The following FAM162B variants were observed in gnomAD, a reference collection of about 807,000 sequenced individuals.
FAM162B encodes the protein family with sequence similarity 162 member B.
FAM162B carries 16 observed loss-of-function variants against 20.0 expected under a neutral mutation model. The observed-to-expected ratio is 0.80, with a 90% CI of 0.54 to 1.21. The LOEUF (loss-of-function observed/expected upper bound fraction) is 1.21. Ranked by LOEUF, FAM162B falls within the 50% of genes most tolerant of loss-of-function variation. The pLI is 0.00. For missense variants in FAM162B, 260 were observed against 227.5 expected (o/e 1.14, Z -0.92); for synonymous variants, 83 against 89.7 (o/e 0.93, Z 0.42).
Position 116,752,670 on chromosome 6 carries a change from G to A in FAM162B, c.416C>T (p.Thr139Ile). The A allele has an allele frequency of 1.9e-6, 3 of 1,581,222 alleles. No individual in the cohort carries two copies. The highest frequency in any genetic ancestry group is 2.6e-6 in the Non-Finnish European group (3 of 1,162,284). Reference protein sequence around the residue: ...KRAVERHESLTSWNLAKKAKW... With the variant: ...KRAVERHESLISWNLAKKAKW... ...AGCTTTCTTTGCCAAGTTCCAACTTGTTAAGGATTCATGTCGTTCTACAGC... is the reference window on the plus strand; with the variant it reads ...AGCTTTCTTTGCCAAGTTCCAACTTATTAAGGATTCATGTCGTTCTACAGC... The change falls in exon 4 of 4, where the codon ACA becomes ATA. Residue 139 changes from threonine to isoleucine, a missense_variant. Transcript: ENST00000368557.
In FAM162B at chr6:116,765,141, A is replaced by C. The variant is rs955624434; in HGVS notation, c.281+6T>G. ...CTCTCCTTCGCGCGGCGGTCGCCAC[A>C]CTTACGGGATCCGAGGCGGGATCTC... On this transcript the variant is annotated splice_donor_region_variant and intron_variant, in intron 2 of 3. Transcript: ENST00000368557. 12 of 1,612,648 alleles carry C rather than the reference A, an allele frequency of 7.4e-6. No individual in the cohort carries two copies. The highest frequency in any genetic ancestry group is 1.0e-5 in the Non-Finnish European group (12 of 1,179,796).
chr6:116,759,289 ATCTT>A (rs1471289657), intron 3 of FAM162B, among the ~76,000 whole-genome samples: 262 of 146,896 alleles, frequency 1.8e-3, no homozygotes, highest in African/African-American at 6.3e-3. Context: ...CTTATTTCTA[ATCTT>A]TCTTTCTTTT....
Position 116,765,460 on chromosome 6 carries a change from A to AC in FAM162B, c.116dup (p.Leu40SerfsTer97). The AC allele has an allele frequency of 7.0e-7, 1 of 1,421,878 alleles. No homozygotes were observed. The allele number at this position is 1,421,878 out of a possible 1,614,324, so 88.1% of individuals were successfully genotyped here. A position where few individuals can be genotyped will look rare whatever the true frequency, so the allele number is the denominator to read the frequency against. Reference sequence around the variant, plus strand: ...CCCCGCCGCTGGAGTAGCAGGGGAGACCCCGGGGCGGAAGAGCCGGTGCGG... The same window carrying AC: ...CCCCGCCGCTGGAGTAGCAGGGGAGACCCCCGGGGCGGAAGAGCCGGTGCGG... On this transcript the variant is annotated frameshift_variant, in exon 1 of 4. Transcript: ENST00000368557. LOFTEE classifies it high-confidence loss of function.
intron 3 of FAM162B, among the ~76,000 whole-genome samples, chr6:116,758,615 A>G (rs1307399840): frequency 6.6e-6 from 1 of 152,144 alleles, no homozygotes. Flanking sequence ...ATAGCTTCTC[A>G]GTTTTGTTCT....
At chr6:116,760,003 T>C (rs972424631) in intron 3 of FAM162B, among the ~76,000 whole-genome samples, 3 of 152,202 alleles carry the variant, frequency 2.0e-5, no homozygotes, top group Non-Finnish European at 4.4e-5. Context: ...CTTTCCTTCA[T>C]TGCACTAAGA....
chr6:116,760,434 A>T (rs1780126938), intron 3 of FAM162B, among the ~76,000 whole-genome samples: 1 of 152,226 alleles, frequency 6.6e-6, no homozygotes, highest in Admixed American at 6.5e-5. Flanking sequence ...GATAAAATAT[A>T]TATTAAGTTT....
chr6:116,760,858 C>T (rs931692729), intron 3 of FAM162B, among the ~76,000 whole-genome samples: 1 of 152,146 alleles, frequency 6.6e-6, no homozygotes, highest in African/African-American at 2.4e-5. Flanking sequence ...CTCAGACACA[C>T]TTGGGCACCT....
chr6:116,765,288 A>ACTGACGCAC, intron 1 of FAM162B, 33 bp from the exon 2 acceptor site: 1 of 1,607,676 alleles, frequency 6.2e-7, no homozygotes, highest in Non-Finnish European at 8.5e-7. Context: ...GGACGCGGGA[A>ACTGACGCAC]CTGACGCACC....
intron 3 of FAM162B, among the ~76,000 whole-genome samples, chr6:116,755,403 TGA>T (rs145476047): frequency 0.017 from 2,660 of 152,220 alleles, 86 homozygotes; most frequent in African/African-American, 0.06. Context: ...CTGTGAAGGC[TGA>T]GAGAGGTGGG....
At chr6:116,764,876 C>A (rs1466236446) in intron 2 of FAM162B, among the ~76,000 whole-genome samples, 3 of 152,176 alleles carry the variant, frequency 2.0e-5, no homozygotes, top group Non-Finnish European at 4.4e-5. Flanking sequence ...TTGCTGGGGA[C>A]CGGCAATCTG....
In FAM162B at chr6:116,765,161, G is replaced by C; in HGVS notation, c.267C>G (p.Ile89Met). 1 of 1,613,588 alleles carries C rather than the reference G, an allele frequency of 6.2e-7. No individual in the cohort carries two copies. Among genetic ancestry groups the C allele is most frequent in the South Asian group, 1.1e-5 (1 of 91,084 alleles). ...WTGRFKSMEE[I>M]PPRIPPEMID... ...GCCACACTTACGGGATCCGAGGCGG[G>C]ATCTCCTCCATCGATTTGAAACGCC... The change falls in exon 2 of 4, where the codon ATC becomes ATG. Residue 89 changes from isoleucine (I) to methionine (M), a missense_variant. Ile to Met is a conservative substitution (Grantham distance 10). Coordinates refer to ENST00000368557, the MANE Select transcript of FAM162B (RefSeq NM_001085480.3).
chr6:116,764,171 A>T (rs778370407), intron 2 of FAM162B, among the ~76,000 whole-genome samples: 19 of 152,166 alleles, frequency 1.2e-4, no homozygotes, highest in Non-Finnish European at 2.4e-4. Context: ...AAACAATAAC[A>T]TGGCAGGCAC....
At chr6:116,752,731 T>TATATATATATATATATAG (rs1554259842) in intron 3 of FAM162B, 36 bp from the exon 4 acceptor site, 2 of 426,160 alleles carry the variant, frequency 4.7e-6, no homozygotes, top group African/African-American at 5.4e-5. Context: ...TATATATATA[T>TATATATATATATATATAG]ATAGATACAC....
In FAM162B at chr6:116,765,203, TTTC is replaced by T; in HGVS notation, c.222_224del (p.Lys75del). The T allele has an allele frequency of 6.2e-7, 1 of 1,613,954 alleles. No homozygotes were observed. The highest frequency in any genetic ancestry group is 1.1e-5 in the South Asian group (1 of 91,086). On this transcript the variant is annotated inframe_deletion, in exon 2 of 4. Coordinates refer to ENST00000368557, the MANE Select transcript of FAM162B (RefSeq NM_001085480.3). ...TGAAACGCCCTGTCCACAGCAGGAT[TTTC>T]TTGTCGAACTGCGAAGGCCTGCGCT... is the stretch of plus-strand genomic sequence containing the variant.
chr6:116,757,891 G>A (rs147253780), intron 3 of FAM162B, among the ~76,000 whole-genome samples: 3 of 152,228 alleles, frequency 2.0e-5, no homozygotes, highest in South Asian at 2.1e-4. Flanking sequence ...CTGATCAGAC[G>A]GAATGAGACA....
chr6:116,755,301 C>T (rs182234411), intron 3 of FAM162B, among the ~76,000 whole-genome samples: 3 of 151,836 alleles, frequency 2.0e-5, no homozygotes, highest in African/African-American at 7.3e-5. Flanking sequence ...ATATAAAAAA[C>T]GTTTTAGTGG....
At chr6:116,755,521 T>C (rs2095147) in intron 3 of FAM162B, among the ~76,000 whole-genome samples, 37,655 of 152,184 alleles carry the variant, frequency 0.25, 4,802 homozygotes, top group South Asian at 0.32. Context: ...CAAGTGCTAA[T>C]AGAGAAGCTA....
chr6:116,754,128 T>A (rs1780026019), intron 3 of FAM162B, among the ~76,000 whole-genome samples: 1 of 152,198 alleles, frequency 6.6e-6, no homozygotes. Flanking sequence ...CCAAAAATAT[T>A]CTTTTCTTGG....
At chr6:116,759,096 A>G (rs1780089905) in intron 3 of FAM162B, among the ~76,000 whole-genome samples, 1 of 152,134 alleles carries the variant, frequency 6.6e-6, no homozygotes, top group South Asian at 2.1e-4. Flanking sequence ...TTATAGACTT[A>G]GAGAAGTTCG....
Sources: gnomAD v4.1 joint callset for allele counts (sites outside exome capture counted in the v4.1 genomes callset) on GRCh38, gnomAD v4.1.1 for gene constraint, MANE v1.5 for transcripts, NCBI Gene and HGNC (gene_info 2026-07-23, HGNC 2026-07-21) for gene names.